Variants in KCNK13 observed in about 807,000 individuals in gnomAD.
KCNK13 encodes the protein potassium two pore domain channel subfamily K member 13.
A neutral mutation model predicts 23.4 loss-of-function variants in KCNK13; 12 were observed. The ratio of observed to expected loss-of-function variants is 0.51; its 90% CI spans 0.33 to 0.83. KCNK13 has a LOEUF of 0.83. Ranked by LOEUF, KCNK13 falls within the 40% of genes least tolerant of loss-of-function variation. The pLI is 0.02. For missense variants in KCNK13, 463 were observed against 556.3 expected, an observed-to-expected ratio of 0.83 and a Z score of 1.69; for synonymous variants, 231 against 229.5, an observed-to-expected ratio of 1.01 and a Z score of -0.06.
intron 1 of KCNK13, among the ~76,000 whole-genome samples, chr14:90,143,190 C>CT (rs1302100655): frequency 5.5e-5 from 6 of 109,322 alleles, no homozygotes; most frequent in East Asian, 2.9e-4. Context: ...CTTTTCTTTT[C>CT]TTTCTTTCTT....
chr14:90,120,881 C>A (rs991153004), intron 1 of KCNK13, among the ~76,000 whole-genome samples: 4 of 152,124 alleles, frequency 2.6e-5, no homozygotes, highest in African/African-American at 9.7e-5. Flanking sequence ...CAAGGCAAGT[C>A]CCTTCCGCCT....
At chr14:90,094,793 G>A (rs891332404) in intron 1 of KCNK13, among the ~76,000 whole-genome samples, 1 of 151,686 alleles carries the variant, frequency 6.6e-6, no homozygotes. Context: ...GACCACAGGC[G>A]CCCACCACCA....
At chr14:90,163,933 C>T (rs1373899732) in intron 1 of KCNK13, among the ~76,000 whole-genome samples, 1 of 152,124 alleles carries the variant, frequency 6.6e-6, no homozygotes, top group African/African-American at 2.4e-5. Context: ...CTCAAGTGAT[C>T]CTCTTGCCTC....
intron 1 of KCNK13, among the ~76,000 whole-genome samples, chr14:90,161,876 G>A (rs1890256142): frequency 6.6e-6 from 1 of 152,136 alleles, no homozygotes; most frequent in Non-Finnish European, 1.5e-5. Flanking sequence ...GCCCTCACAA[G>A]CATTAAGAAA....
In KCNK13 at chr14:90,185,180, TG is replaced by T. The variant is rs898510326; in HGVS notation, c.*183del. The T allele has an allele frequency of 2.2e-5, 12 of 544,526 alleles. No homozygotes were observed. The highest frequency in any genetic ancestry group is 2.1e-4 in the African/African-American group (11 of 53,262). The allele number at this position is 544,526 out of a possible 1,614,324, so 33.7% of individuals were successfully genotyped here. Reference sequence around the variant, plus strand: ...CCAACCAACAGCCACCTTCCAGGGATGGGGGGCCTGAAGCCTCGATGCTTGT... The same window carrying T: ...CCAACCAACAGCCACCTTCCAGGGATGGGGGCCTGAAGCCTCGATGCTTGT... On this transcript the variant is annotated 3_prime_UTR_variant, in exon 2 of 2. Transcript: ENST00000282146.
chr14:90,062,405 G>A lies in KCNK13; in HGVS notation c.200G>A (p.Ser67Asn). The change falls in exon 1 of 2, where the codon AGC (serine) becomes AAC (asparagine). Residue 67 changes from serine (S) to asparagine (N), a missense_variant. Physicochemically the swap from Ser to Asn is conservative, Grantham distance 46 (BLOSUM62 1). Coordinates refer to ENST00000282146, the MANE Select transcript of KCNK13 (RefSeq NM_022054.4). The surrounding 1 kb of genome is among the most constrained non-coding windows in gnomAD (Gnocchi z 4.5). The stretch of plus-strand genomic sequence containing the variant: ...AACTTCAGCCGCGGCCACAACCTGA[G>A]CCGCGACGAGCTGCGCGGCTTCCTC... ...LANFSRGHNL[S>N]RDELRGFLRH... is the part of the protein sequence containing the mutation. The A allele has an allele frequency of 6.5e-7, 1 of 1,547,018 alleles. No individual in the cohort carries two copies. Among genetic ancestry groups the A allele is most frequent in the Non-Finnish European group, 8.7e-7 (1 of 1,145,798 alleles).
intron 1 of KCNK13, among the ~76,000 whole-genome samples, chr14:90,085,580 AC>A (rs1309173475): frequency 6.7e-6 from 1 of 149,414 alleles, no homozygotes; most frequent in Non-Finnish European, 1.5e-5. Flanking sequence ...AATCATTTGA[AC>A]CCGGGAGGCG....
chr14:90,179,936 C>T (rs182236849), intron 1 of KCNK13, among the ~76,000 whole-genome samples: 167 of 152,264 alleles, frequency 1.1e-3, no homozygotes, highest in African/African-American at 3.4e-3. Context: ...CCCCCCTCTC[C>T]GGTTTTGGTA....
intron 1 of KCNK13, among the ~76,000 whole-genome samples, chr14:90,088,967 A>G (rs1889313024): frequency 6.6e-6 from 1 of 152,200 alleles, no homozygotes; most frequent in African/African-American, 2.4e-5. Flanking sequence ...AAGGCCCCCC[A>G]GCCATGTGGA....
At chr14:90,153,795 G>A (rs1017807600) in intron 1 of KCNK13, among the ~76,000 whole-genome samples, 2 of 152,204 alleles carry the variant, frequency 1.3e-5, no homozygotes, top group African/African-American at 4.8e-5. Flanking sequence ...TTAGAGGCAG[G>A]GAGCTGTCTT....
At chr14:90,063,559 C>T (rs1566944868) in intron 1 of KCNK13, among the ~76,000 whole-genome samples, 4 of 152,190 alleles carry the variant, frequency 2.6e-5, no homozygotes, top group Middle Eastern at 3.4e-3. Flanking sequence ...AAGAGTTAGA[C>T]GGAGAGGAAG....
intron 1 of KCNK13, among the ~76,000 whole-genome samples, chr14:90,077,139 G>A (rs1163674851): frequency 5.7e-5 from 2 of 35,246 alleles, no homozygotes; most frequent in African/African-American, 1.6e-4. Context: ...TTTTTTTTTA[G>A]ACGAAGTTTC....
At chr14:90,149,927 A>G (rs1166854655) in intron 1 of KCNK13, among the ~76,000 whole-genome samples, 2 of 152,194 alleles carry the variant, frequency 1.3e-5, no homozygotes, top group East Asian at 1.9e-4. Flanking sequence ...CACTGGAGAC[A>G]TAACAGCGAT....
At chr14:90,086,690 C>A (rs1286899) in intron 1 of KCNK13, among the ~76,000 whole-genome samples, 1 of 151,868 alleles carries the variant, frequency 6.6e-6, no homozygotes, top group African/African-American at 2.4e-5. Context: ...CCCTGCTTAT[C>A]TCCTTAGAAC....
chr14:90,120,282 A>G (rs12894041), intron 1 of KCNK13, among the ~76,000 whole-genome samples: 38,843 of 151,976 alleles, frequency 0.26, 5,274 homozygotes, highest in Non-Finnish European at 0.31. Flanking sequence ...TCCATACGTG[A>G]TGTGTGTGTG....
intron 1 of KCNK13, among the ~76,000 whole-genome samples, chr14:90,182,593 G>A (rs894844991): frequency 6.6e-6 from 1 of 152,012 alleles, no homozygotes; most frequent in Admixed American, 6.5e-5. Flanking sequence ...AGGCTGAGGT[G>A]GGTGGATCAC....
chr14:90,136,526 A>T lies in KCNK13; in HGVS notation c.335-47585A>T, dbSNP rs78073708. On this transcript the variant is annotated intron_variant, in intron 1 of 1. Coordinates refer to ENST00000282146, the MANE Select transcript of KCNK13 (RefSeq NM_022054.4). Reference sequence around the variant, plus strand: ...GGAGGAGGGAATTAAAAAAAAAAAAATCTTAGCAAAACCTGAACTGCCTAA... The same window carrying T: ...GGAGGAGGGAATTAAAAAAAAAAAATTCTTAGCAAAACCTGAACTGCCTAA... Among the ~76,000 whole-genome samples, 4 of 151,266 alleles carry T rather than the reference A, an allele frequency of 2.6e-5. No individual in the cohort carries two copies. The Admixed American group carries it at 2.7e-4, about 10-fold the overall frequency.
At chr14:90,124,545 C>T (rs1179289760) in intron 1 of KCNK13, among the ~76,000 whole-genome samples, 1 of 152,234 alleles carries the variant, frequency 6.6e-6, no homozygotes, top group Admixed American at 6.5e-5. Flanking sequence ...CTCAATAAGC[C>T]AGGAACTGGA....
At chr14:90,182,480 T>C (rs964163149) in intron 1 of KCNK13, among the ~76,000 whole-genome samples, 16 of 152,170 alleles carry the variant, frequency 1.1e-4, no homozygotes, top group African/African-American at 3.9e-4. Flanking sequence ...GAGAGAGCTC[T>C]TGTGATCCAA....
Sources: allele counts gnomAD v4.1 joint callset (sites outside exome capture counted in the v4.1 genomes callset), GRCh38; gene constraint gnomAD v4.1.1; non-coding constraint Gnocchi (gnomAD v3.1); transcripts MANE v1.5; gene names NCBI Gene and HGNC (gene_info 2026-07-23, HGNC 2026-07-21).